Variants in ZNF329 observed in about 807,000 individuals in gnomAD.
ZNF329 encodes zinc finger protein 329.
In ZNF329, 15 loss-of-function variants were observed where a neutral mutation model predicts 26.6. That is an observed-to-expected ratio of 0.56 (90% confidence interval 0.38 to 0.87). The LOEUF (loss-of-function observed/expected upper bound fraction) is 0.87, where lower values mean the gene tolerates loss of function less well. ZNF329 is among the 40% of genes least tolerant of loss of function. The pLI, the probability that ZNF329 is intolerant of heterozygous loss-of-function variation, is 0.00. For synonymous variants in ZNF329, 239 were observed against 233.5 expected (o/e 1.02, Z -0.21); for missense variants, 651 against 651.9 (o/e 1.00, Z 0.02).
upstream of ZNF329, among the ~76,000 whole-genome samples, chr19:58,153,060 T>C (rs1029090927): frequency 1.3e-5 from 2 of 152,132 alleles, no homozygotes; most frequent in African/African-American, 4.8e-5. Context: ...TTCCATTCAG[T>C]GGCAAAGAGA....
upstream of ZNF329, among the ~76,000 whole-genome samples, chr19:58,151,970 TA>T (rs1305204597): frequency 6.6e-6 from 1 of 152,190 alleles, no homozygotes; most frequent in African/African-American, 2.4e-5. Context: ...ATTTATAGAT[TA>T]TTCTATTACT....
intron 3 of ZNF329, among the ~76,000 whole-genome samples, chr19:58,130,129 G>A (rs981667564): frequency 6.6e-6 from 1 of 152,070 alleles, no homozygotes; most frequent in African/African-American, 2.4e-5. Context: ...AGACCAGCCT[G>A]ACCAACATGG....
chr19:58,147,984 C>T lies in ZNF329; in HGVS notation c.-208+2768G>A, dbSNP rs1255776616. Among the ~76,000 whole-genome samples, 5 of 152,200 alleles carry T rather than the reference C, an allele frequency of 3.3e-5. No individual in the cohort carries two copies. In the South Asian group the frequency reaches 6.2e-4, roughly 19 times the overall value. Reference sequence around the variant, plus strand: ...AAAGGTGGGGAAAAGATTGAGAAATCGGATGGTTGCCGTGTCTGTGCAGAA... The same window carrying T: ...AAAGGTGGGGAAAAGATTGAGAAATTGGATGGTTGCCGTGTCTGTGCAGAA... On this transcript the variant is annotated intron_variant, in intron 1 of 3. Coordinates refer to ENST00000598312, the MANE Select transcript of ZNF329 (RefSeq NM_024620.4).
chr19:58,137,273 G>A (rs1254779624), intron 3 of ZNF329, among the ~76,000 whole-genome samples: 1 of 152,090 alleles, frequency 6.6e-6, no homozygotes, highest in Non-Finnish European at 1.5e-5. Context: ...CACAGCAGAG[G>A]CTGGGCACGG....
At chr19:58,146,995 T>G (rs980329573) in intron 1 of ZNF329, among the ~76,000 whole-genome samples, 3 of 151,872 alleles carry the variant, frequency 2.0e-5, no homozygotes, top group African/African-American at 4.8e-5. Context: ...GTGAGGAGCA[T>G]CTCTGCCTGG....
chr19:58,141,196 A>G (rs2075178611), intron 3 of ZNF329, among the ~76,000 whole-genome samples: 1 of 149,454 alleles, frequency 6.7e-6, no homozygotes. Flanking sequence ...AGGTCTCACT[A>G]TATGGGCCAG....
chr19:58,131,300 T>G (rs886285865), intron 3 of ZNF329, among the ~76,000 whole-genome samples: 7 of 152,026 alleles, frequency 4.6e-5, no homozygotes, highest in African/African-American at 1.7e-4. Context: ...ATCCCAGCAC[T>G]CTGGGAGGCT....
rs192279673 is a variant in ZNF329, at chr19:58,126,615, A to C, written c.*1263T>G. 6.6e-6 allele frequency: 1 copy of C among 152,358 alleles called. No individual in the cohort carries two copies. The highest frequency in any genetic ancestry group is 2.4e-5 in the African/African-American group (1 of 41,578). 9.4% of individuals were successfully genotyped at this position (152,358 alleles called of 1,614,324 possible). A position where few individuals can be genotyped will look rare whatever the true frequency, so the allele number is the denominator to read the frequency against. ...TTCAACAACTAAAGCAACAAACCAC[A>C]TCTGTTAGAAGCAGCCCTTTCCATC... On this transcript the variant is annotated 3_prime_UTR_variant, in exon 4 of 4. Transcript: ENST00000598312.
At chr19:58,131,029 A>C (rs1175267598) in intron 3 of ZNF329, among the ~76,000 whole-genome samples, 1 of 152,128 alleles carries the variant, frequency 6.6e-6, no homozygotes, top group Non-Finnish European at 1.5e-5. Context: ...TTTTAAGGTA[A>C]AATGAAAATA....
intron 3 of ZNF329, among the ~76,000 whole-genome samples, chr19:58,135,865 T>A (rs1381575231): frequency 6.6e-6 from 1 of 152,178 alleles, no homozygotes; most frequent in Admixed American, 6.5e-5. Context: ...CAAACTCCTA[T>A]TTATTTGGAA....
At chr19:58,135,893 T>C (rs1473599053) in intron 3 of ZNF329, among the ~76,000 whole-genome samples, 1 of 152,150 alleles carries the variant, frequency 6.6e-6, no homozygotes, top group African/African-American at 2.4e-5. Flanking sequence ...AACTTGTTTC[T>C]CAGTAATTGA....
chr19:58,154,438 T>C (rs2075509900), upstream of ZNF329, among the ~76,000 whole-genome samples: 1 of 152,182 alleles, frequency 6.6e-6, no homozygotes, highest in African/African-American at 2.4e-5. Context: ...CCCAGTCCTC[T>C]TGCCAGAAAG....
chr19:58,148,745 A>T (rs75287650), intron 1 of ZNF329, among the ~76,000 whole-genome samples: 5,665 of 152,298 alleles, frequency 0.037, 365 homozygotes, highest in African/African-American at 0.13. Flanking sequence ...ATCCTGGCTG[A>T]AGTATTTCAG....
Position 58,141,392 on chromosome 19 carries a change from G to A in ZNF329, c.-9+1165C>T, listed in dbSNP as rs144287001. 1.9e-4 allele frequency among the ~76,000 whole-genome samples: 29 copies of A among 151,942 alleles called. No individual in the cohort carries two copies. The East Asian group carries it at 2.5e-3, about 13-fold the overall frequency. ...CAGCTCACTGCAACCTCCTCCTCCC[G>A]GGTTCAAGTGATTCTCCTGACTCAG... On this transcript the variant is annotated intron_variant, in intron 3 of 3. Coordinates refer to ENST00000598312, the MANE Select transcript of ZNF329 (RefSeq NM_024620.4).
intron 3 of ZNF329, among the ~76,000 whole-genome samples, chr19:58,133,635 G>A (rs959515218): frequency 6.6e-6 from 1 of 151,872 alleles, no homozygotes; most frequent in Non-Finnish European, 1.5e-5. Flanking sequence ...CTAGCCAGAG[G>A]AATTAGAAAA....
chr19:58,146,968 G>A (rs2075326312), intron 1 of ZNF329, among the ~76,000 whole-genome samples: 2 of 152,270 alleles, frequency 1.3e-5, no homozygotes, highest in South Asian at 2.1e-4. Flanking sequence ...CTGCCCGGCC[G>A]CCACCCTGTC....
Position 58,128,428 on chromosome 19 carries a change from GT to G in ZNF329, c.1075del (p.Thr359ProfsTer112). 1.2e-6 allele frequency: 2 copies of G among 1,613,904 alleles called. No individual in the cohort carries two copies. The highest frequency in any genetic ancestry group is 1.7e-6 in the Non-Finnish European group (2 of 1,179,934). On this transcript the variant is annotated frameshift_variant, in exon 4 of 4. Coordinates refer to ENST00000598312, the MANE Select transcript of ZNF329 (RefSeq NM_024620.4). LOFTEE classifies it high-confidence loss of function. ...GKAFRDGSYLTQHERTHTGEK... is the reference protein window; with the variant it reads ...GKAFRDGSYLXQHERTHTGEK... Reference sequence around the variant, plus strand: ...TCCAGTGTGAGTCCTCTCATGCTGGGTGAGGTACGAGCCGTCCCGGAAAGCC... The same window carrying G: ...TCCAGTGTGAGTCCTCTCATGCTGGGGAGGTACGAGCCGTCCCGGAAAGCC...
At position 58,129,363 on chromosome 19, in the gene ZNF329, C is replaced by T. The variant is rs114035746; in HGVS notation, c.141G>A (p.Leu47=). The change falls in exon 4 of 4, where the codon TTG becomes TTA. Residue 47 remains leucine (L), a synonymous_variant. Coordinates refer to ENST00000598312, the MANE Select transcript of ZNF329 (RefSeq NM_024620.4). ...TCTCCAGAGTTAAAGCTGATTGCCT[C>T]AAGTGTCCCTCCTGGTTCTCACAGT... ...GWDCENQEGH[L]RQSALTLEKP... The T allele has an allele frequency of 5.2e-4, 846 of 1,614,210 alleles. 3 individuals are homozygous for T. In the African/African-American group the frequency reaches 0.01, roughly 19 times the overall value.
At chr19:58,150,646 C>G (rs1382837874) in intron 1 of ZNF329, 106 bp downstream of exon 1, 1 of 152,948 alleles carries the variant, frequency 6.5e-6, no homozygotes, top group East Asian at 1.9e-4. Context: ...CACCCGCGGA[C>G]GCGCCCCTCG....
Sources: gnomAD v4.1 joint callset for allele counts (sites outside exome capture counted in the v4.1 genomes callset) on GRCh38, gnomAD v4.1.1 for gene constraint, MANE v1.5 for transcripts, NCBI Gene and HGNC (gene_info 2026-07-23, HGNC 2026-07-21) for gene names.